MACF1: variants seen among roughly 807,000 people sequenced by gnomAD.
The protein encoded by MACF1 is microtubule actin crosslinking factor 1, also known as microtubule-actin cross-linking factor 1.
MACF1 carries 193 observed loss-of-function variants against 854.8 expected under a neutral mutation model. The observed-to-expected ratio is 0.23, with a 90% CI of 0.20 to 0.25. MACF1 has a LOEUF of 0.25. Ranked by LOEUF, MACF1 falls within the 10% of genes least tolerant of loss-of-function variation. The pLI, the probability that MACF1 is intolerant of heterozygous loss-of-function variation, is 1.00. For missense variants in MACF1, 7,722 were observed against 8,929.1 expected, an observed-to-expected ratio of 0.86 and a Z score of 5.45; for synonymous variants, 3,185 against 3,226.7, an observed-to-expected ratio of 0.99 and a Z score of 0.44.
upstream of MACF1, among the ~76,000 whole-genome samples, chr1:39,203,167 T>G (rs1456763010): frequency 6.6e-6 from 1 of 152,236 alleles, no homozygotes; most frequent in Non-Finnish European, 1.5e-5. Context: ...CTTGTGAGAC[T>G]ATAGCATCTT....
chr1:39,096,387 C>A (rs1404263673), intron 2 of MACF1, among the ~76,000 whole-genome samples: 2 of 150,954 alleles, frequency 1.3e-5, no homozygotes, highest in Admixed American at 1.3e-4. Context: ...AACGAAAAAA[C>A]CCATATATTG....
rs1188844382 is a variant in MACF1, at chr1:39,322,926, C to G, written c.4154C>G (p.Thr1385Ser). Residue 1385 changes from threonine (T) to serine (S), a missense_variant, in exon 33 of 101, where the codon ACT becomes AGT. Coordinates refer to ENST00000564288, the MANE Select transcript of MACF1 (RefSeq NM_001394062.1). ...AITQEFMDLRTRYTALVTLTT... is the reference protein window; with the variant it reads ...AITQEFMDLRSRYTALVTLTT... Reference sequence around the variant, plus strand: ...GAACCACAGTTCATGGACTTAAGGACTCGCTACACGGCATTGGTGACTTTA... The same window carrying G: ...GAACCACAGTTCATGGACTTAAGGAGTCGCTACACGGCATTGGTGACTTTA... The G allele has an allele frequency of 6.2e-6, 10 of 1,614,038 alleles. No homozygotes were observed. The highest frequency in any genetic ancestry group is 1.1e-5 in the South Asian group (1 of 91,086).
At chr1:39,290,675 T>C (rs1216172701) in intron 15 of MACF1, among the ~76,000 whole-genome samples, 1 of 147,966 alleles carries the variant, frequency 6.8e-6, no homozygotes, top group Non-Finnish European at 1.5e-5. Flanking sequence ...CTTTTTTTTT[T>C]TTTTTTTTTG....
Position 39,307,901 on chromosome 1 carries a change from C to CTTTTTTTTTTTTTTTTTTTTTTTT in MACF1, c.2790-1648_2790-1647insTTTTTTTTTTTTTTTTTTTTTTTT, listed in dbSNP as rs34930273. Among the ~76,000 whole-genome samples the CTTTTTTTTTTTTTTTTTTTTTTTT allele has an allele frequency of 3.2e-4, 16 of 50,406 alleles. 1 individual carries two copies. Among genetic ancestry groups the CTTTTTTTTTTTTTTTTTTTTTTTT allele is most frequent in the East Asian group, 2.1e-3 (3 of 1,450 alleles). The allele number at this position is 50,406 out of a possible 152,430, so 33.1% of individuals were successfully genotyped here. A position where few individuals can be genotyped will look rare whatever the true frequency, so the allele number is the denominator to read the frequency against. Reference sequence around the variant, plus strand: ...TTATTTCTCTTTTCTTTCTTTCTTTCTTTTTTTTTTTTTTTTTTTTTGAGA... The same window carrying CTTTTTTTTTTTTTTTTTTTTTTTT: ...TTATTTCTCTTTTCTTTCTTTCTTTCTTTTTTTTTTTTTTTTTTTTTTTTTTTTTTTTTTTTTTTTTTTTTGAGA... On this transcript the variant is annotated intron_variant, in intron 23 of 100. Coordinates refer to ENST00000564288, the MANE Select transcript of MACF1 (RefSeq NM_001394062.1).
At chr1:39,484,820 T>C (rs1645075039) in intron 100 of MACF1, 90 bp downstream of exon 100, 1 of 1,469,070 alleles carries the variant, frequency 6.8e-7, no homozygotes, top group Non-Finnish European at 9.5e-7. Flanking sequence ...AAGGAGCGGG[T>C]AATGAGAGTG....
At chr1:39,093,305 CTTTTTTTTTTTT>C (rs34921076) in intron 2 of MACF1, among the ~76,000 whole-genome samples, 3 of 54,122 alleles carry the variant, frequency 5.5e-5, no homozygotes, top group Non-Finnish European at 6.5e-5. Flanking sequence ...TACTCCACTT[CTTTTTTTTTTTT>C]TTTTTTTTTT....
intron 76 of MACF1, 34 bp downstream of exon 76, chr1:39,442,354 C>T: frequency 1.9e-6 from 3 of 1,603,144 alleles, no homozygotes; most frequent in Admixed American, 1.7e-5. Flanking sequence ...CAGTGAACTA[C>T]TCTCCGCTCT....
intron 58 of MACF1, among the ~76,000 whole-genome samples, chr1:39,393,164 G>T (rs1160804584): frequency 7.7e-6 from 1 of 129,614 alleles, no homozygotes; most frequent in African/African-American, 3.1e-5. Flanking sequence ...CCCCTAGAGT[G>T]ACCTTCCTGG....
At position 39,332,782 on chromosome 1, in the gene MACF1, C is replaced by CCACT. The variant is rs1441295446; in HGVS notation, c.6195_6198dup (p.Val2067HisfsTer13). ...TGCACTACAGAAAAAGGCAAAAAGA[C>CCACT]CACTGTAGAAACAGAAGATTCTTCT... On this transcript the variant is annotated frameshift_variant, in exon 37 of 101. Transcript: ENST00000564288. LOFTEE classifies it high-confidence loss of function. 7 of 1,614,138 alleles carry CCACT rather than the reference C, an allele frequency of 4.3e-6. No homozygotes were observed. The highest frequency in any genetic ancestry group is 5.9e-6 in the Non-Finnish European group (7 of 1,180,032).
At chr1:39,313,785 C>G (rs1646350614) in intron 26 of MACF1, among the ~76,000 whole-genome samples, 3 of 151,898 alleles carry the variant, frequency 2.0e-5, no homozygotes, top group South Asian at 4.2e-4. Context: ...CCTTCTTTCT[C>G]TTTTTTTTAA....
intron 43 of MACF1, among the ~76,000 whole-genome samples, chr1:39,351,909 G>T (rs1490470246): frequency 6.6e-6 from 1 of 152,068 alleles, no homozygotes; most frequent in Non-Finnish European, 1.5e-5. Flanking sequence ...TTTAATATGA[G>T]TCTAGACTGG....
chr1:39,144,766 C>T (rs1643426072), intron 2 of MACF1, among the ~76,000 whole-genome samples: 1 of 151,926 alleles, frequency 6.6e-6, no homozygotes, highest in African/African-American at 2.4e-5. Flanking sequence ...GCTGGGATTA[C>T]AGGTGTGAAC....
At chr1:39,317,143 T>C in intron 28 of MACF1, 71 bp from the exon 29 acceptor site, 1 of 1,468,358 alleles carries the variant, frequency 6.8e-7, no homozygotes. Flanking sequence ...GTGTCCTTGT[T>C]TCCCACCTTA....
chr1:39,311,109 T>A, intron 26 of MACF1, 109 bp downstream of exon 26: 1 of 1,226,096 alleles, frequency 8.2e-7, no homozygotes, highest in Non-Finnish European at 1.1e-6. Flanking sequence ...CTCAAGACAG[T>A]CCTTCTCAGG....
chr1:39,320,681 CTT>C (rs1646497444), intron 31 of MACF1, among the ~76,000 whole-genome samples: 1 of 152,080 alleles, frequency 6.6e-6, no homozygotes, highest in Admixed American at 6.6e-5. Context: ...GGAAAAATGA[CTT>C]GAGGCCAGGT....
intron 1 of MACF1, among the ~76,000 whole-genome samples, chr1:39,225,522 A>C (rs1644706967): frequency 6.6e-6 from 1 of 152,146 alleles, no homozygotes; most frequent in Non-Finnish European, 1.5e-5. Context: ...GGCCATAGCA[A>C]ATTTTTCTAA....
chr1:39,469,048 C>A (rs1644725139), intron 96 of MACF1, among the ~76,000 whole-genome samples: 1 of 152,140 alleles, frequency 6.6e-6, no homozygotes, highest in Non-Finnish European at 1.5e-5. Flanking sequence ...CCCAGTGAAG[C>A]CCTTTAGGTT....
Position 39,334,478 on chromosome 1 carries a change from A to C in MACF1, c.7890A>C (p.Ser2630=). The change falls in exon 37 of 101, where the codon TCA becomes TCC. Residue 2630 remains serine (S), a synonymous_variant. Coordinates refer to ENST00000564288, the MANE Select transcript of MACF1 (RefSeq NM_001394062.1). ...DPENCRIVPY[S]ELVKKCKIDI... ...AGAACTGCAGAATTGTCCCCTACTCAGAATTAGTCAAGAAATGTAAGATTG... is the reference window on the plus strand; with the variant it reads ...AGAACTGCAGAATTGTCCCCTACTCCGAATTAGTCAAGAAATGTAAGATTG... 6.2e-7 allele frequency: 1 copy of C among 1,614,156 alleles called. No individual in the cohort carries two copies. The highest frequency in any genetic ancestry group is 1.7e-5 in the Admixed American group (1 of 60,030).
intron 7 of MACF1, among the ~76,000 whole-genome samples, chr1:39,282,704 G>A (rs956616859): frequency 3.3e-5 from 5 of 152,152 alleles, no homozygotes; most frequent in African/African-American, 1.2e-4. Flanking sequence ...GTCAGAGATG[G>A]CCTTTTTGGT....
Sources: allele counts gnomAD v4.1 joint callset (sites outside exome capture counted in the v4.1 genomes callset), GRCh38; gene constraint gnomAD v4.1.1; transcripts MANE v1.5; gene names NCBI Gene and HGNC (gene_info 2026-07-23, HGNC 2026-07-21).